Variants in CHRM2 observed in about 807,000 individuals in gnomAD.
CHRM2 encodes cholinergic receptor muscarinic 2, also known as muscarinic acetylcholine receptor M2.
CHRM2 carries 8 observed loss-of-function variants against 25.0 expected under a neutral mutation model. That is an observed-to-expected ratio of 0.32 (90% confidence interval 0.19 to 0.58). The LOEUF (loss-of-function observed/expected upper bound fraction) is 0.58. Among genes scored for constraint, CHRM2 ranks in the 20% least tolerant of loss-of-function variants. CHRM2 has a pLI of 0.88. For synonymous variants in CHRM2, 202 were observed against 205.7 expected, an observed-to-expected ratio of 0.98 and a Z score of 0.15; for missense variants, 440 against 567.1, an observed-to-expected ratio of 0.78 and a Z score of 2.28.
chr7:136,907,137 G>T (rs1257521236), intron 2 of CHRM2, among the ~76,000 whole-genome samples: 2 of 151,864 alleles, frequency 1.3e-5, no homozygotes, highest in Non-Finnish European at 2.9e-5. Flanking sequence ...GCAAGTGATG[G>T]GCAGTGGCTG....
intron 2 of CHRM2, among the ~76,000 whole-genome samples, chr7:136,922,637 G>A (rs563245922): frequency 2.6e-5 from 4 of 151,960 alleles, no homozygotes; most frequent in Admixed American, 6.6e-5. Flanking sequence ...GCATCTTGGC[G>A]CCTGTGACTC....
At chr7:136,900,434 A>C (rs1797133803) in intron 2 of CHRM2, among the ~76,000 whole-genome samples, 1 of 152,084 alleles carries the variant, frequency 6.6e-6, no homozygotes, top group Non-Finnish European at 1.5e-5. Context: ...AACTAACAGA[A>C]TGGAGCCTTA....
At chr7:136,891,819 T>C (rs1796701372) in intron 2 of CHRM2, among the ~76,000 whole-genome samples, 1 of 152,212 alleles carries the variant, frequency 6.6e-6, no homozygotes, top group African/African-American at 2.4e-5. Context: ...CAGCATATTA[T>C]TATTGTTCAG....
chr7:136,902,724 T>C (rs189355285), intron 2 of CHRM2: 1 of 179,474 alleles, frequency 5.6e-6, no homozygotes, highest in East Asian at 1.8e-4. Context: ...GACTATCAGC[T>C]AGATATCCTT....
intron 2 of CHRM2, among the ~76,000 whole-genome samples, chr7:136,918,048 A>G (rs990161023): frequency 1.3e-5 from 2 of 152,112 alleles, no homozygotes; most frequent in Non-Finnish European, 2.9e-5. Context: ...GAAAGAGAGA[A>G]AGGTTTTAAG....
chr7:136,903,036 G>T, intron 2 of CHRM2: 1 of 505,518 alleles, frequency 2.0e-6, no homozygotes. Flanking sequence ...TAAACAATAG[G>T]CCAGAGATGG....
At chr7:136,984,487 A>AG (rs935587713) in intron 2 of CHRM2, among the ~76,000 whole-genome samples, 25 of 150,880 alleles carry the variant, frequency 1.7e-4, no homozygotes, top group African/African-American at 2.2e-4. Flanking sequence ...CACCGGGGTA[A>AG]GAAAAAAAAA....
intron 2 of CHRM2, among the ~76,000 whole-genome samples, chr7:136,888,007 G>A (rs905006484): frequency 2.6e-5 from 4 of 152,092 alleles, no homozygotes; most frequent in Non-Finnish European, 5.9e-5. Context: ...TTCAAATCCT[G>A]AGGGTTGAAC....
intron 2 of CHRM2, among the ~76,000 whole-genome samples, chr7:136,986,695 A>G (rs1802878298): frequency 1.3e-5 from 2 of 152,202 alleles, no homozygotes; most frequent in African/African-American, 4.8e-5. Context: ...CAATGAGCTA[A>G]GAAATGTCAA....
chr7:136,961,062 T>C (rs572348102), intron 2 of CHRM2, among the ~76,000 whole-genome samples: 3 of 152,060 alleles, frequency 2.0e-5, no homozygotes, highest in Admixed American at 6.5e-5. Context: ...AAGGTGGAGA[T>C]TGCAGCGAGC....
At chr7:136,945,607 G>A (rs1038458736) in intron 2 of CHRM2, among the ~76,000 whole-genome samples, 9 of 152,038 alleles carry the variant, frequency 5.9e-5, no homozygotes, top group Non-Finnish European at 1.3e-4. Context: ...GTTCCTTGCT[G>A]TTTTGGTGAC....
chr7:136,906,539 T>C (rs1231423616), intron 2 of CHRM2, among the ~76,000 whole-genome samples: 1 of 151,878 alleles, frequency 6.6e-6, no homozygotes, highest in East Asian at 1.9e-4. Flanking sequence ...AATTATTACT[T>C]TGCTAACTTT....
intron 2 of CHRM2, among the ~76,000 whole-genome samples, chr7:136,988,868 T>A (rs1013751528): frequency 1.3e-5 from 2 of 152,208 alleles, no homozygotes; most frequent in East Asian, 1.9e-4. Flanking sequence ...AATATGCCTA[T>A]ACATATACAT....
At chr7:136,880,453 T>C (rs1243687452) in intron 2 of CHRM2, among the ~76,000 whole-genome samples, 1 of 151,992 alleles carries the variant, frequency 6.6e-6, no homozygotes, top group Non-Finnish European at 1.5e-5. Flanking sequence ...CAGTAAACAT[T>C]TGACTACATT....
At chr7:136,947,018 C>G (rs1800110189) in intron 2 of CHRM2, among the ~76,000 whole-genome samples, 1 of 152,144 alleles carries the variant, frequency 6.6e-6, no homozygotes, top group African/African-American at 2.4e-5. Context: ...TGGATTCATT[C>G]TATTGAAATA....
At chr7:136,933,894 A>G (rs1475791325) in intron 2 of CHRM2, among the ~76,000 whole-genome samples, 1 of 152,154 alleles carries the variant, frequency 6.6e-6, no homozygotes, top group Non-Finnish European at 1.5e-5. Context: ...ATGGTGGTTG[A>G]GTAGGGTTTG....
At chr7:136,930,381 C>T (rs867397589) in intron 2 of CHRM2, among the ~76,000 whole-genome samples, 1 of 152,042 alleles carries the variant, frequency 6.6e-6, no homozygotes, top group Admixed American at 6.6e-5. Context: ...CATGTCTTAA[C>T]TTCATCTGGG....
chr7:136,884,390 G>C (rs1796379348), intron 2 of CHRM2, among the ~76,000 whole-genome samples: 1 of 151,956 alleles, frequency 6.6e-6, no homozygotes, highest in South Asian at 2.1e-4. Flanking sequence ...TTCTGTCAAA[G>C]TGTTTTTCTT....
chr7:136,977,886 TTTAATCCATCTCAAG>T (rs1289381535), intron 2 of CHRM2, among the ~76,000 whole-genome samples: 1 of 152,220 alleles, frequency 6.6e-6, no homozygotes, highest in Non-Finnish European at 1.5e-5. Context: ...CATTTAAATC[TTTAATCCATCTCAAG>T]TTAATTTTCA....
Sources: allele counts gnomAD v4.1 joint callset (sites outside exome capture counted in the v4.1 genomes callset), GRCh38; gene constraint gnomAD v4.1.1; transcripts MANE v1.5; gene names NCBI Gene and HGNC (gene_info 2026-07-23, HGNC 2026-07-21).